Variants in TXLNB observed in about 807,000 individuals in gnomAD.
The protein encoded by TXLNB is taxilin beta.
Under a neutral mutation model 57.4 loss-of-function variants are expected in TXLNB, and 37 were observed. That is an observed-to-expected ratio of 0.64 (90% confidence interval 0.50 to 0.85). TXLNB has a LOEUF of 0.85. TXLNB is among the 40% of genes least tolerant of loss of function. The pLI, the probability that TXLNB is intolerant of heterozygous loss-of-function variation, is 0.00. For synonymous variants in TXLNB, 302 were observed against 309.6 expected (o/e 0.98, Z 0.26); for missense variants, 848 against 825.6 (o/e 1.03, Z -0.33).
chr6:139,264,605 G>C (rs1447065915), intron 4 of TXLNB, among the ~76,000 whole-genome samples: 1 of 152,074 alleles, frequency 6.6e-6, no homozygotes, highest in Non-Finnish European at 1.5e-5. Flanking sequence ...TGTCGCCCAG[G>C]CTGGAGTGCA....
chr6:139,288,365 C>G, intron 2 of TXLNB, 111 bp downstream of exon 2: 9 of 1,032,218 alleles, frequency 8.7e-6, no homozygotes, highest in Non-Finnish European at 1.3e-5. Flanking sequence ...ATATAGAAGG[C>G]TACTACAGTC....
At chr6:139,188,823 C>T in the TXLNB span, among the ~76,000 whole-genome samples, 1 of 150,006 alleles carries the variant, frequency 6.7e-6, no homozygotes, top group African/African-American at 2.5e-5. Flanking sequence ...GGCATGATCT[C>T]GGCTCACTGC....
intron 2 of TXLNB, among the ~76,000 whole-genome samples, chr6:139,280,001 C>T (rs527896350): frequency 2.6e-5 from 4 of 152,138 alleles, no homozygotes; most frequent in East Asian, 1.9e-4. Flanking sequence ...ACTGGCCGAG[C>T]GTGGTGGCTC....
chr6:139,263,777 C>T (rs1371350558), intron 4 of TXLNB, among the ~76,000 whole-genome samples: 1 of 152,130 alleles, frequency 6.6e-6, no homozygotes, highest in African/African-American at 2.4e-5. Flanking sequence ...TTTTAGGATT[C>T]CTTTCAGTTC....
chr6:139,317,149 A>G, the TXLNB span, among the ~76,000 whole-genome samples: 1 of 152,172 alleles, frequency 6.6e-6, no homozygotes, highest in Non-Finnish European at 1.5e-5. Context: ...GAGTTCAGAC[A>G]TTTCCAAGGA....
At position 139,281,378 on chromosome 6, in the gene TXLNB, T is replaced by G. The variant is rs577147094; in HGVS notation, c.425-4457A>C. On this transcript the variant is annotated intron_variant, in intron 2 of 9. Transcript: ENST00000358430. Reference sequence around the variant, plus strand: ...TTTCATTTGCTTGTTTCGTTTGGTTTTAAGGCCTGTATCAGCTTCGAAAAT... The same window carrying G: ...TTTCATTTGCTTGTTTCGTTTGGTTGTAAGGCCTGTATCAGCTTCGAAAAT... 5.3e-5 allele frequency among the ~76,000 whole-genome samples: 8 copies of G among 152,248 alleles called. No homozygotes were observed. In the South Asian group the frequency reaches 1.7e-3, roughly 32 times the overall value.
the TXLNB span, among the ~76,000 whole-genome samples, chr6:139,305,575 T>C: frequency 6.6e-6 from 1 of 152,184 alleles, no homozygotes; most frequent in Non-Finnish European, 1.5e-5. Context: ...ATGTTATCAG[T>C]TTATAAATTG....
the TXLNB span, among the ~76,000 whole-genome samples, chr6:139,198,335 C>T: frequency 6.6e-6 from 1 of 151,972 alleles, no homozygotes; most frequent in Admixed American, 6.6e-5. Flanking sequence ...TGGAAGGTAC[C>T]CCTTCTCTCC....
intron 6 of TXLNB, among the ~76,000 whole-genome samples, chr6:139,258,752 C>T (rs1315696338): frequency 6.6e-6 from 1 of 152,188 alleles, no homozygotes; most frequent in Non-Finnish European, 1.5e-5. Context: ...ATACATGCGT[C>T]AACTCATACC....
the TXLNB span, chr6:139,174,537 C>A: frequency 6.2e-7 from 1 of 1,613,780 alleles, no homozygotes; most frequent in South Asian, 1.1e-5. Context: ...TCCATGTTGT[C>A]AGGTAGGTAC....
chr6:139,198,516 T>TA, the TXLNB span, among the ~76,000 whole-genome samples: 16,522 of 152,040 alleles, frequency 0.11, 1,332 homozygotes, highest in African/African-American at 0.21. Context: ...ACAGATAAGC[T>TA]GTTGTGTTGG....
At chr6:139,215,863 A>T in the TXLNB span, among the ~76,000 whole-genome samples, 3 of 152,248 alleles carry the variant, frequency 2.0e-5, no homozygotes, top group Non-Finnish European at 4.4e-5. Flanking sequence ...GCCTAAAAAC[A>T]CATGAAAAAA....
At chr6:139,261,866 A>G (rs973586747) in intron 5 of TXLNB, among the ~76,000 whole-genome samples, 1 of 146,056 alleles carries the variant, frequency 6.8e-6, no homozygotes, top group Non-Finnish European at 1.5e-5. Flanking sequence ...TATTAATACT[A>G]TTATTGGCCT....
chr6:139,227,108 C>T, the TXLNB span, among the ~76,000 whole-genome samples: 1,807 of 151,294 alleles, frequency 0.012, 30 homozygotes, highest in African/African-American at 0.041. Context: ...TTTGGGAGGC[C>T]GAGGTGGGAG....
chr6:139,260,210 ACT>A, intron 6 of TXLNB, 106 bp downstream of exon 6: 2 of 1,303,030 alleles, frequency 1.5e-6, no homozygotes, highest in Non-Finnish European at 2.1e-6. Context: ...ACAGAACGAG[ACT>A]CTGTCTCAAA....
At chr6:139,289,000 GTGAATAC>G in intron 1 of TXLNB, 87 bp from the exon 2 acceptor site, 1 of 933,872 alleles carries the variant, frequency 1.1e-6, no homozygotes, top group Non-Finnish European at 1.6e-6. Context: ...TATCCCCCAA[GTGAATAC>G]CAACTAATTA....
the TXLNB span, among the ~76,000 whole-genome samples, chr6:139,202,654 A>G: frequency 6.6e-6 from 1 of 152,220 alleles, no homozygotes; most frequent in Non-Finnish European, 1.5e-5. Context: ...ATAATCATCA[A>G]TTCAGGATAA....
chr6:139,246,949 G>A (rs559833531), intron 8 of TXLNB, among the ~76,000 whole-genome samples: 1 of 151,656 alleles, frequency 6.6e-6, no homozygotes, highest in African/African-American at 2.4e-5. Context: ...AGGAAGTTAA[G>A]TGAATTGATG....
the TXLNB span, among the ~76,000 whole-genome samples, chr6:139,198,890 G>C: frequency 1.1e-4 from 16 of 151,832 alleles, no homozygotes; most frequent in Non-Finnish European, 2.2e-4. Context: ...CCTGAACCCT[G>C]TCCATACCTC....
Sources: gnomAD v4.1 joint callset for allele counts (sites outside exome capture counted in the v4.1 genomes callset) on GRCh38, gnomAD v4.1.1 for gene constraint, MANE v1.5 for transcripts, NCBI Gene and HGNC (gene_info 2026-07-23, HGNC 2026-07-21) for gene names.